KLHDC4: variants seen among roughly 807,000 people sequenced by gnomAD.
KLHDC4 encodes kelch domain-containing protein 4.
In KLHDC4, 90 loss-of-function variants were observed where a neutral mutation model predicts 62.4. The ratio of observed to expected loss-of-function variants is 1.44; its 90% CI spans 1.22 to 1.72. The LOEUF (loss-of-function observed/expected upper bound fraction) is 1.72, where lower values mean the gene tolerates loss of function less well. Among genes scored for constraint, KLHDC4 ranks in the 40% most tolerant of loss-of-function variants. KLHDC4 has a pLI of 0.00. For missense variants in KLHDC4, 1,025 were observed against 699.7 expected, an observed-to-expected ratio of 1.47 and a Z score of -5.25; for synonymous variants, 386 against 284.4, an observed-to-expected ratio of 1.36 and a Z score of -3.59.
rs1193036361 is a variant in KLHDC4 at position 87,727,578 on chromosome 16, C to G, written c.600-654G>C. On this transcript the variant is annotated intron_variant, in intron 6 of 11. Transcript: ENST00000270583. ...CCCCGCAGCCTTGCCCTGCTCAGTG[C>G]CTGCCGGACCCAGCACGCAGACTGG... is the stretch of plus-strand genomic sequence containing the variant. 2.0e-5 allele frequency among the ~76,000 whole-genome samples: 3 copies of G among 152,192 alleles called. No individual in the cohort carries two copies. In the East Asian group the frequency reaches 5.8e-4, roughly 29 times the overall value.
chr16:87,729,583 C>T (rs1170274158), intron 6 of KLHDC4, among the ~76,000 whole-genome samples: 2 of 152,258 alleles, frequency 1.3e-5, no homozygotes, highest in Non-Finnish European at 2.9e-5. Flanking sequence ...ACTAAGTAAG[C>T]TCAAGAAGAT....
chr16:87,704,071 C>A (rs559998881), downstream of KLHDC4, among the ~76,000 whole-genome samples: 1 of 152,234 alleles, frequency 6.6e-6, no homozygotes, highest in African/African-American at 2.4e-5. Context: ...CCTTTTCCTT[C>A]CGGGCTGGGG....
At chr16:87,746,299 G>C (rs924702089) in intron 5 of KLHDC4, among the ~76,000 whole-genome samples, 2 of 151,174 alleles carry the variant, frequency 1.3e-5, no homozygotes, top group Non-Finnish European at 2.9e-5. Context: ...AGAAAGGAAG[G>C]AGAAAGAGAG....
At chr16:87,765,279 G>A (rs2046471240) in intron 1 of KLHDC4, 1 of 456,128 alleles carries the variant, frequency 2.2e-6, no homozygotes, top group Non-Finnish European at 4.4e-6. Context: ...TGGCTCCAGT[G>A]CCTTCTTCAC....
exon 1 of KLHDC4, chr16:87,699,096 G>C (rs1462703515): frequency 2.0e-5 from 3 of 152,186 alleles, no homozygotes; most frequent in Non-Finnish European, 2.9e-5. Flanking sequence ...TCCACCTCTG[G>C]CCCAGGAACA....
Position 87,708,433 on chromosome 16 carries a change from T to TC in KLHDC4, c.1480dup (p.Glu494GlyfsTer5). 6.2e-7 allele frequency: 1 copy of TC among 1,610,760 alleles called. No individual in the cohort carries two copies. The highest frequency in any genetic ancestry group is 8.5e-7 in the Non-Finnish European group (1 of 1,178,842). ...GCCCTCAACCTCCTCACTGTCCTCT[T>TC]CCGAGTCCGTCTCCTCCAGCCACTC... On this transcript the variant is annotated frameshift_variant, in exon 11 of 12. Coordinates refer to ENST00000270583, the MANE Select transcript of KLHDC4 (RefSeq NM_017566.4). LOFTEE classifies it high-confidence loss of function.
At chr16:87,720,591 T>G (rs934651992) in intron 7 of KLHDC4, among the ~76,000 whole-genome samples, 2 of 152,206 alleles carry the variant, frequency 1.3e-5, no homozygotes, top group African/African-American at 4.8e-5. Context: ...AGGAGGCATC[T>G]CACGTTTTGC....
chr16:87,741,516 T>G (rs1020897350), intron 5 of KLHDC4, among the ~76,000 whole-genome samples: 3 of 152,188 alleles, frequency 2.0e-5, no homozygotes, highest in Non-Finnish European at 4.4e-5. Flanking sequence ...ATCTAATGCC[T>G]GATGATCTGA....
Position 87,707,975 on chromosome 16 carries a change from G to A in KLHDC4, c.*102C>T. On this transcript the variant is annotated 3_prime_UTR_variant, in exon 12 of 12. Coordinates refer to ENST00000270583, the MANE Select transcript of KLHDC4 (RefSeq NM_017566.4). ...CCACCCACCTTCAGCTCTCTCCTGT[G>A]CGTCAGGACGCACGCTGGCCCCAAG... is the stretch of plus-strand genomic sequence containing the variant. 4.2e-6 allele frequency: 2 copies of A among 473,646 alleles called. No individual in the cohort carries two copies. The highest frequency in any genetic ancestry group is 6.3e-4 in the Middle Eastern group (2 of 3,182). 29.3% of individuals were successfully genotyped at this position (473,646 alleles called of 1,614,324 possible).
At chr16:87,733,805 T>C (rs1041242198) in intron 5 of KLHDC4, among the ~76,000 whole-genome samples, 46 of 151,706 alleles carry the variant, frequency 3.0e-4, no homozygotes, top group East Asian at 1.9e-4. Flanking sequence ...GCCTCCTACT[T>C]AGGAATCCAC....
At chr16:87,748,611 G>C (rs2143068554) in intron 5 of KLHDC4, 62 bp downstream of exon 5, 4 of 1,601,718 alleles carry the variant, frequency 2.5e-6, no homozygotes, top group Non-Finnish European at 2.6e-6. Context: ...CGAGCACTCG[G>C]GCTCAGCACA....
At chr16:87,708,305 C>T (rs748978339) in intron 11 of KLHDC4, 45 bp downstream of exon 11, 29 of 1,297,896 alleles carry the variant, frequency 2.2e-5, no homozygotes, top group African/African-American at 8.9e-5. Context: ...AAGCCTTTCA[C>T]GAACACCCAG....
exon 1 of KLHDC4, chr16:87,702,055 C>T (rs1196931865): frequency 2.2e-6 from 1 of 456,314 alleles, no homozygotes; most frequent in South Asian, 1.5e-5. Context: ...CCTGGTGACC[C>T]CAGGCTGCTG....
intron 4 of KLHDC4, among the ~76,000 whole-genome samples, chr16:87,754,667 T>C (rs1424784005): frequency 6.6e-6 from 1 of 152,172 alleles, no homozygotes; most frequent in African/African-American, 2.4e-5. Context: ...AGAGTTCCCA[T>C]CCTCACAGAG....
rs368972606 is a variant in KLHDC4, at chr16:87,761,957, G to C, written c.183C>G (p.Pro61=). Residue 61 remains proline, a synonymous_variant, in exon 2 of 12, where the codon CCC becomes CCG. Coordinates refer to ENST00000270583, the MANE Select transcript of KLHDC4 (RefSeq NM_017566.4). ...TQTVELPCPP[P]SPRLNASLSV... is the part of the protein sequence containing the mutation. ...AAATGCTACTTGCTCACCTTGGTGAGGGTGGGGGGCACGGAAGTTCCACAG... is the reference window on the plus strand; with the variant it reads ...AAATGCTACTTGCTCACCTTGGTGACGGTGGGGGGCACGGAAGTTCCACAG... The C allele has an allele frequency of 2.5e-6, 4 of 1,613,720 alleles. No homozygotes were observed. The highest frequency in any genetic ancestry group is 1.7e-5 in the Admixed American group (1 of 59,926).
intron 5 of KLHDC4, 48 bp from the exon 6 acceptor site, chr16:87,730,692 G>A: frequency 1.3e-6 from 2 of 1,531,616 alleles, no homozygotes; most frequent in Non-Finnish European, 1.8e-6. Context: ...TTAATTTCTG[G>A]TTGTTCTAAA....
intron 5 of KLHDC4, among the ~76,000 whole-genome samples, chr16:87,735,359 C>CA (rs2041136311): frequency 6.6e-6 from 1 of 151,686 alleles, no homozygotes; most frequent in African/African-American, 2.4e-5. Context: ...AAGTCCGCTT[C>CA]AAAAAATGAC....
intron 5 of KLHDC4, 108 bp from the exon 6 acceptor site, chr16:87,730,752 G>T (rs963143030): frequency 3.3e-6 from 3 of 898,490 alleles, no homozygotes; most frequent in Admixed American, 2.3e-5. Flanking sequence ...TCTGTTTTGT[G>T]AGCACTTACT....
At chr16:87,754,932 G>GCGACACACCAGGAA (rs1392757654) in intron 4 of KLHDC4, among the ~76,000 whole-genome samples, 9 of 152,190 alleles carry the variant, frequency 5.9e-5, no homozygotes, top group Non-Finnish European at 1.0e-4. Context: ...GCCAGTGGCT[G>GCGACACACCAGGAA]CGACACACCA....
Sources: allele counts gnomAD v4.1 joint callset (sites outside exome capture counted in the v4.1 genomes callset), GRCh38; gene constraint gnomAD v4.1.1; transcripts MANE v1.5; gene names NCBI Gene and HGNC (gene_info 2026-07-23, HGNC 2026-07-21).